CACNA2D2: variants seen among roughly 807,000 people sequenced by gnomAD.
CACNA2D2 encodes the protein voltage-dependent calcium channel subunit alpha-2/delta-2.
In CACNA2D2, 48 loss-of-function variants were observed where a neutral mutation model predicts 166.4. That is an observed-to-expected ratio of 0.29 (90% confidence interval 0.23 to 0.37). CACNA2D2 has a LOEUF of 0.37. Ranked by LOEUF, CACNA2D2 falls within the 10% of genes least tolerant of loss-of-function variation. The pLI is 1.00. For missense variants in CACNA2D2, 1,122 were observed against 1,433.0 expected (o/e 0.78, Z 3.50); for synonymous variants, 561 against 573.7 (o/e 0.98, Z 0.32).
At chr3:50,474,669 T>C (rs565507538) in intron 2 of CACNA2D2, among the ~76,000 whole-genome samples, 3 of 152,322 alleles carry the variant, frequency 2.0e-5, no homozygotes, top group African/African-American at 7.2e-5. Flanking sequence ...GTGGTATAGC[T>C]TATGTCCCGA....
chr3:50,445,573 G>A (rs1708805578), intron 2 of CACNA2D2, among the ~76,000 whole-genome samples: 1 of 152,094 alleles, frequency 6.6e-6, no homozygotes, highest in Non-Finnish European at 1.5e-5. Context: ...GTCTTCTGTA[G>A]AACAAGTCGG....
chr3:50,454,878 C>T (rs907377935), intron 2 of CACNA2D2, among the ~76,000 whole-genome samples: 2 of 152,168 alleles, frequency 1.3e-5, no homozygotes, highest in South Asian at 2.1e-4. Flanking sequence ...TCCTGCCCTG[C>T]GTGCTGGGAA....
chr3:50,426,971 C>T (rs1707834019), intron 3 of CACNA2D2, among the ~76,000 whole-genome samples: 1 of 152,198 alleles, frequency 6.6e-6, no homozygotes, highest in African/African-American at 2.4e-5. Flanking sequence ...CAGCTGGAGG[C>T]CTTCAAGGGG....
At chr3:50,447,409 T>C (rs1280790004) in intron 2 of CACNA2D2, among the ~76,000 whole-genome samples, 2 of 152,250 alleles carry the variant, frequency 1.3e-5, no homozygotes, top group African/African-American at 4.8e-5. Flanking sequence ...GGCCTGCACT[T>C]CTAGCTCTGT....
intron 2 of CACNA2D2, among the ~76,000 whole-genome samples, chr3:50,469,606 C>T (rs1368430438): frequency 1.3e-5 from 2 of 152,198 alleles, no homozygotes; most frequent in African/African-American, 4.8e-5. Context: ...TGCTCCTGCT[C>T]CCCTGAGATC....
At chr3:50,489,966 T>C (rs943427378) in intron 1 of CACNA2D2, among the ~76,000 whole-genome samples, 1 of 152,198 alleles carries the variant, frequency 6.6e-6, no homozygotes, top group Non-Finnish European at 1.5e-5. Context: ...AGGGACCCAG[T>C]TGGCCCTTGG....
At chr3:50,454,903 C>T (rs369983955) in intron 2 of CACNA2D2, among the ~76,000 whole-genome samples, 18 of 152,182 alleles carry the variant, frequency 1.2e-4, no homozygotes, top group African/African-American at 4.1e-4. Context: ...GCCTGCTGCA[C>T]TGGTAGGCCC....
intron 1 of CACNA2D2, among the ~76,000 whole-genome samples, chr3:50,498,743 C>A (rs1325871218): frequency 1.3e-5 from 2 of 152,186 alleles, no homozygotes; most frequent in Non-Finnish European, 2.9e-5. Flanking sequence ...GCTGGAAGTC[C>A]CAGGCCCAGC....
rs1014189484 is a variant in CACNA2D2 at position 50,376,592 on chromosome 3, G to A, written c.1627-404C>T. Among the ~76,000 whole-genome samples the A allele has an allele frequency of 2.6e-5, 4 of 152,198 alleles. No individual in the cohort carries two copies. Among genetic ancestry groups the A allele is most frequent in the Non-Finnish European group, 5.9e-5 (4 of 68,030 alleles). On this transcript the variant is annotated intron_variant, in intron 17 of 37. Coordinates refer to ENST00000424201, the MANE Select transcript of CACNA2D2 (RefSeq NM_006030.4). This position sits in a 1 kb window ranked among gnomAD's most constrained non-coding sequence, Gnocchi z 4.3. ...CTTGTCCCCACGTCAAGAGAGAGCA[G>A]CGGGACGAGTGGACCCTTCGGAATC...
intron 3 of CACNA2D2, among the ~76,000 whole-genome samples, chr3:50,423,422 G>C (rs1390992607): frequency 6.6e-6 from 1 of 152,240 alleles, no homozygotes; most frequent in African/African-American, 2.4e-5. Flanking sequence ...GCCAGGTAGA[G>C]ACTGCCTGCC....
At chr3:50,423,756 C>T (rs1707680099) in intron 3 of CACNA2D2, among the ~76,000 whole-genome samples, 1 of 152,252 alleles carries the variant, frequency 6.6e-6, no homozygotes, top group Non-Finnish European at 1.5e-5. Flanking sequence ...GACAACCGTG[C>T]CCAGCCTCTC....
chr3:50,461,525 T>G (rs1408582368), intron 2 of CACNA2D2, among the ~76,000 whole-genome samples: 1 of 152,056 alleles, frequency 6.6e-6, no homozygotes, highest in African/African-American at 2.4e-5. Context: ...GTGGATCACT[T>G]GAGGTCATGA....
At chr3:50,407,076 G>T (rs1706747952) in intron 3 of CACNA2D2, among the ~76,000 whole-genome samples, 2 of 151,794 alleles carry the variant, frequency 1.3e-5, no homozygotes, top group Non-Finnish European at 1.5e-5. Context: ...TGTGACCTTG[G>T]ACATGGAGAA....
chr3:50,371,656 C>T (rs587765050), intron 22 of CACNA2D2, among the ~76,000 whole-genome samples: 1 of 152,142 alleles, frequency 6.6e-6, no homozygotes, highest in East Asian at 1.9e-4. Context: ...GGGAAGGGGG[C>T]ACTTGGGGTG....
chr3:50,394,292 A>T (rs1706035690), intron 3 of CACNA2D2, 124 bp from the exon 4 acceptor site: 1 of 744,280 alleles, frequency 1.3e-6, no homozygotes, highest in African/African-American at 1.7e-5. Context: ...CCTTCCCCTC[A>T]TCCTACGAGA....
At chr3:50,474,169 T>G (rs1446748091) in intron 2 of CACNA2D2, among the ~76,000 whole-genome samples, 1 of 152,196 alleles carries the variant, frequency 6.6e-6, no homozygotes, top group Admixed American at 6.5e-5. Flanking sequence ...CATGACCACC[T>G]TGGTGACTGC....
chr3:50,365,017 G>T lies in CACNA2D2; in HGVS notation c.3209-47C>A, dbSNP rs775577541. On this transcript the variant is annotated intron_variant, in intron 36 of 37. Coordinates refer to ENST00000424201, the MANE Select transcript of CACNA2D2 (RefSeq NM_006030.4). This position sits in a 1 kb window ranked among gnomAD's most constrained non-coding sequence, Gnocchi z 4.5. ...AGGAGGCGGACGGCGGCGGCGGCAC[G>T]GAGGGGGCGCGCGGGGCAGAGGGGG... 2 of 1,604,920 alleles carry T rather than the reference G, an allele frequency of 1.2e-6. No individual in the cohort carries two copies. Among genetic ancestry groups the T allele is most frequent in the Admixed American group, 3.4e-5 (2 of 59,642 alleles).
intron 2 of CACNA2D2, among the ~76,000 whole-genome samples, chr3:50,437,638 C>A (rs1156252213): frequency 6.6e-6 from 1 of 152,206 alleles, no homozygotes; most frequent in Non-Finnish European, 1.5e-5. Context: ...CACAGCCCAG[C>A]AGATGGTCCC....
chr3:50,375,597 T>C lies in CACNA2D2; in HGVS notation c.1907+47A>G, dbSNP rs376850224. 6.1e-5 allele frequency: 98 copies of C among 1,597,346 alleles called. No homozygotes were observed. The Middle Eastern group carries it at 2.1e-3, about 34-fold the overall frequency. Reference sequence around the variant, plus strand: ...GGAGGGGACAGCTGGGCTCAGATTCTGGGGCCACCCCACCCTCTCTGCCCG... The same window carrying C: ...GGAGGGGACAGCTGGGCTCAGATTCCGGGGCCACCCCACCCTCTCTGCCCG... On this transcript the variant is annotated intron_variant, in intron 21 of 37. Transcript: ENST00000424201. The surrounding 1 kb of genome is among the most constrained non-coding windows in gnomAD (Gnocchi z 4.0).
Sources: gnomAD v4.1 joint callset for allele counts (sites outside exome capture counted in the v4.1 genomes callset) on GRCh38, gnomAD v4.1.1 for gene constraint, Gnocchi (gnomAD v3.1) non-coding constraint, MANE v1.5 for transcripts, NCBI Gene and HGNC (gene_info 2026-07-23, HGNC 2026-07-21) for gene names.